DUSP22: variants seen among roughly 807,000 people sequenced by gnomAD.
DUSP22 encodes the protein dual specificity protein phosphatase 22.
A neutral mutation model predicts 24.5 loss-of-function variants in DUSP22; 24 were observed. The ratio of observed to expected loss-of-function variants is 0.98; its 90% CI spans 0.71 to 1.38. The LOEUF is 1.38. DUSP22 is among the 40% of genes most tolerant of loss of function. The pLI is 0.00. For synonymous variants in DUSP22, 160 were observed against 106.4 expected, an observed-to-expected ratio of 1.50 and a Z score of -3.10; for missense variants, 330 against 269.2, an observed-to-expected ratio of 1.23 and a Z score of -1.58.
chr6:309,441 A>G lies in DUSP22; in HGVS notation c.56-2439A>G, dbSNP rs1243435899. Among the ~76,000 whole-genome samples the G allele has an allele frequency of 2.6e-5, 4 of 152,304 alleles. No individual in the cohort carries two copies. The East Asian group carries it at 5.8e-4, about 22-fold the overall frequency. On this transcript the variant is annotated intron_variant, in intron 2 of 6. Coordinates refer to ENST00000419235, the MANE Select transcript of DUSP22 (RefSeq NM_001286555.3). ...TCGAAAATTTGAATCTGGGAAAGCA[A>G]TAGCCTGGAATTTGAAGCCTGAGAG...
Position 349,012 on chromosome 6 carries a change from G to C in DUSP22, c.*61G>C. The C allele has an allele frequency of 6.5e-7, 1 of 1,542,784 alleles. No individual in the cohort carries two copies. Among genetic ancestry groups the C allele is most frequent in the East Asian group, 2.4e-5 (1 of 40,842 alleles). Reference sequence around the variant, plus strand: ...TCTTCAGTGTGCCCGGCTGGGCAGGGGTGCGGTGGTGGTGGCCGATGAGGA... The same window carrying C: ...TCTTCAGTGTGCCCGGCTGGGCAGGCGTGCGGTGGTGGTGGCCGATGAGGA... On this transcript the variant is annotated 3_prime_UTR_variant, in exon 7 of 7. Transcript: ENST00000419235.
In DUSP22 at chr6:345,914, C is replaced by T; in HGVS notation, c.249C>T (p.Ser83=). 1 of 1,614,270 alleles carries T rather than the reference C, an allele frequency of 6.2e-7. No homozygotes were observed. Among genetic ancestry groups the T allele is most frequent in the Non-Finnish European group, 8.5e-7 (1 of 1,180,038 alleles). The change falls in exon 5 of 7, where the codon AGC becomes AGT. Residue 83 remains serine, a synonymous_variant. Transcript: ENST00000419235. ...ACGAGTGCCGGCTCCGCGGTGAGAG[C>T]TGCCTTGTACACTGGTACGTGTGTC... is the stretch of plus-strand genomic sequence containing the variant. The part of the protein sequence containing the change: ...FIHECRLRGE[S]CLVHCLAGVS...
chr6:348,415 C>A, intron 6 of DUSP22, 141 bp downstream of exon 6: 1 of 1,374,768 alleles, frequency 7.3e-7, no homozygotes, highest in Non-Finnish European at 9.9e-7. Context: ...CGCCCAGCTG[C>A]ACCCCTTCAG....
chr6:320,323 A>G (rs1440252379), intron 3 of DUSP22: 1 of 152,898 alleles, frequency 6.5e-6, no homozygotes, highest in East Asian at 1.9e-4. Flanking sequence ...GTGTCTGAGC[A>G]TTTCCTCCTG....
At chr6:309,527 T>C (rs1225596310) in intron 2 of DUSP22, among the ~76,000 whole-genome samples, 1 of 152,310 alleles carries the variant, frequency 6.6e-6, no homozygotes, top group Non-Finnish European at 1.5e-5. Flanking sequence ...TTTTTTTTCC[T>C]GACGTTGCTG....
intron 1 of DUSP22, 71 bp downstream of exon 1, chr6:292,631 G>T: frequency 2.6e-6 from 4 of 1,549,846 alleles, no homozygotes; most frequent in Admixed American, 4.1e-5. Flanking sequence ...GGCGTCGGCT[G>T]CCCGACGACT....
At chr6:295,802 A>C (rs79475108) in intron 1 of DUSP22, among the ~76,000 whole-genome samples, 58 of 83,314 alleles carry the variant, frequency 7.0e-4, no homozygotes, top group African/African-American at 2.1e-3. Flanking sequence ...CCTGTTTCAA[A>C]AAAAAAAAAA....
chr6:345,982 TC>T, intron 5 of DUSP22, 54 bp downstream of exon 5: 1 of 1,602,978 alleles, frequency 6.2e-7, no homozygotes, highest in Non-Finnish European at 8.5e-7. Flanking sequence ...CGGCTTGGCT[TC>T]CCATCAAGTG....
At chr6:346,257 C>T (rs1425805406) in intron 5 of DUSP22, among the ~76,000 whole-genome samples, 2 of 152,304 alleles carry the variant, frequency 1.3e-5, no homozygotes, top group African/African-American at 4.8e-5. Context: ...TTACAGATGA[C>T]CCAGATTCTG....
At chr6:319,238 G>A (rs1385311231) in intron 3 of DUSP22, among the ~76,000 whole-genome samples, 1 of 152,304 alleles carries the variant, frequency 6.6e-6, no homozygotes, top group Non-Finnish European at 1.5e-5. Flanking sequence ...GGGGGTCTGT[G>A]GGCCATGCTC....
At chr6:296,935 T>A (rs2127388379) in intron 1 of DUSP22, among the ~76,000 whole-genome samples, 1 of 152,420 alleles carries the variant, frequency 6.6e-6, no homozygotes, top group Non-Finnish European at 1.5e-5. Context: ...CTGTGTGTCC[T>A]CTGAAAGCAC....
At chr6:331,248 T>G (rs1759126989) in intron 3 of DUSP22, among the ~76,000 whole-genome samples, 1 of 152,308 alleles carries the variant, frequency 6.6e-6, no homozygotes, top group African/African-American at 2.4e-5. Flanking sequence ...AAGTGCTGAA[T>G]TCTTATTTAT....
intron 4 of DUSP22, among the ~76,000 whole-genome samples, chr6:339,851 T>G (rs1759522699): frequency 1.3e-5 from 2 of 152,308 alleles, no homozygotes; most frequent in African/African-American, 4.8e-5. Context: ...TTCTTTTATT[T>G]TATTATAAAG....
chr6:322,298 C>T (rs1758632827), intron 3 of DUSP22, among the ~76,000 whole-genome samples: 1 of 152,422 alleles, frequency 6.6e-6, no homozygotes, highest in East Asian at 1.9e-4. Flanking sequence ...GAATTCACAG[C>T]CTGTGAACAC....
chr6:341,125 G>A (rs546514132), intron 4 of DUSP22, among the ~76,000 whole-genome samples: 13 of 152,412 alleles, frequency 8.5e-5, no homozygotes, highest in South Asian at 4.1e-4. Flanking sequence ...CAAGGACCGC[G>A]GGCAGGAGCG....
chr6:339,936 C>T (rs558103109), intron 4 of DUSP22, among the ~76,000 whole-genome samples: 1 of 152,426 alleles, frequency 6.6e-6, no homozygotes, highest in African/African-American at 2.4e-5. Flanking sequence ...TTCCTGAGGG[C>T]TCTGCCAGCC....
rs1332501697 is a variant in DUSP22, at chr6:345,873, A to C, written c.208A>C (p.Ser70Arg). ...TCCCAGGACAAGACATTTCAAAGAAAGTATTAAATTCATTCACGAGTGCCG... is the reference window on the plus strand; with the variant it reads ...TCCCAGGACAAGACATTTCAAAGAACGTATTAAATTCATTCACGAGTGCCG... ...SQNLTRHFKE[S>R]IKFIHECRLR... The change falls in exon 5 of 7, where the codon AGT (serine) becomes CGT (arginine). Residue 70 changes from serine (S) to arginine (R), a missense_variant. Physicochemically the swap from Ser to Arg is moderately radical, Grantham distance 110 (BLOSUM62 -1). Transcript: ENST00000419235. 1.9e-6 allele frequency: 3 copies of C among 1,614,250 alleles called. No individual in the cohort carries two copies. In the South Asian group the frequency reaches 3.3e-5, roughly 18 times the overall value.
chr6:314,096 C>T (rs1758228035), intron 3 of DUSP22, among the ~76,000 whole-genome samples: 5 of 152,302 alleles, frequency 3.3e-5, no homozygotes, highest in Admixed American at 3.3e-4. Flanking sequence ...TTTTGCCAGC[C>T]CTGATCCCGG....
intron 3 of DUSP22, among the ~76,000 whole-genome samples, chr6:331,198 A>G (rs1194379770): frequency 6.6e-6 from 1 of 152,304 alleles, no homozygotes; most frequent in African/African-American, 2.4e-5. Flanking sequence ...TGTGATGTTA[A>G]TTGGCTTTCC....
Sources: allele counts gnomAD v4.1 joint callset (sites outside exome capture counted in the v4.1 genomes callset), GRCh38; gene constraint gnomAD v4.1.1; transcripts MANE v1.5; gene names NCBI Gene and HGNC (gene_info 2026-07-23, HGNC 2026-07-21).